OPCML: variants seen among roughly 807,000 people sequenced by gnomAD.
OPCML encodes opioid binding protein/cell adhesion molecule like, also known as opioid-binding protein/cell adhesion molecule.
OPCML carries 13 observed loss-of-function variants against 37.8 expected under a neutral mutation model. That is an observed-to-expected ratio of 0.34 (90% CI 0.22 to 0.55). OPCML has a LOEUF of 0.55. Among genes scored for constraint, OPCML ranks in the 20% least tolerant of loss-of-function variants. The pLI is 0.91. For missense variants in OPCML, 341 were observed against 435.6 expected, an observed-to-expected ratio of 0.78 and a Z score of 1.93; for synonymous variants, 176 against 168.8, an observed-to-expected ratio of 1.04 and a Z score of -0.33.
chr11:133,455,581 T>C (rs1946657688), intron 1 of OPCML, among the ~76,000 whole-genome samples: 1 of 152,152 alleles, frequency 6.6e-6, no homozygotes, highest in Admixed American at 6.5e-5. Flanking sequence ...TCCTTCTTAT[T>C]ACCCTCAGGA....
At chr11:133,151,831 T>G (rs1469883173) in intron 1 of OPCML, among the ~76,000 whole-genome samples, 1 of 152,088 alleles carries the variant, frequency 6.6e-6, no homozygotes, top group Non-Finnish European at 1.5e-5. Context: ...AAATCTCAAC[T>G]GAGATCCCCA....
chr11:133,272,779 G>T (rs1941887028), intron 1 of OPCML, among the ~76,000 whole-genome samples: 1 of 152,194 alleles, frequency 6.6e-6, no homozygotes, highest in Non-Finnish European at 1.5e-5. Flanking sequence ...TGCATTTCTT[G>T]TTAAGGAACA....
chr11:133,100,102 A>G (rs1255634416), intron 1 of OPCML, among the ~76,000 whole-genome samples: 1 of 152,228 alleles, frequency 6.6e-6, no homozygotes, highest in Non-Finnish European at 1.5e-5. Context: ...TCTCACTTAT[A>G]AGTGGGAACT....
chr11:132,547,969 G>A (rs1205858158), intron 3 of OPCML, among the ~76,000 whole-genome samples: 1 of 152,194 alleles, frequency 6.6e-6, no homozygotes, highest in East Asian at 1.9e-4. Flanking sequence ...CTTAGACCTG[G>A]TGCCTACTGT....
At chr11:133,333,171 G>T (rs1169070490) in intron 1 of OPCML, among the ~76,000 whole-genome samples, 1 of 152,102 alleles carries the variant, frequency 6.6e-6, no homozygotes, top group Non-Finnish European at 1.5e-5. Flanking sequence ...CGACTCTTCT[G>T]CCTCAGCCTC....
At position 133,510,260 on chromosome 11, in the gene OPCML, A is replaced by G. The variant is rs113182289; in HGVS notation, c.61+22004T>C. 7.3e-3 allele frequency among the ~76,000 whole-genome samples: 1,110 copies of G among 152,256 alleles called. 13 individuals are homozygous for G. Among genetic ancestry groups the G allele is most frequent in the African/African-American group, 0.024 (1,004 of 41,532 alleles). On this transcript the variant is annotated intron_variant, in intron 1 of 7. Coordinates refer to ENST00000524381, the MANE Select transcript of OPCML (RefSeq NM_001012393.5). ...GCTGCTATCAGATTTTCAGAATACC[A>G]TTTCTTTTGTATGCTACAGAGTAAA...
At chr11:132,426,819 A>T (rs2095979171) in intron 7 of OPCML, among the ~76,000 whole-genome samples, 1 of 152,236 alleles carries the variant, frequency 6.6e-6, no homozygotes, top group Non-Finnish European at 1.5e-5. Context: ...GGGAATTTCA[A>T]GCCTGGCCAT....
At chr11:132,979,377 A>G (rs898738436) in intron 1 of OPCML, among the ~76,000 whole-genome samples, 4 of 152,074 alleles carry the variant, frequency 2.6e-5, no homozygotes, top group African/African-American at 9.7e-5. Flanking sequence ...CTCTCCCACA[A>G]GTCCATTCTA....
chr11:133,340,608 C>G (rs539386133), intron 1 of OPCML, among the ~76,000 whole-genome samples: 2,426 of 139,434 alleles, frequency 0.017, 24 homozygotes, highest in African/African-American at 0.037. Context: ...AAGACTCTCT[C>G]TGTGTGTGTG....
intron 1 of OPCML, among the ~76,000 whole-genome samples, chr11:133,050,085 G>A (rs1027511937): frequency 6.6e-6 from 1 of 152,154 alleles, no homozygotes; most frequent in Admixed American, 6.5e-5. Flanking sequence ...CCTTCCCTGA[G>A]GGAGAGATTC....
At chr11:133,363,435 G>A (rs1565593991) in intron 1 of OPCML, among the ~76,000 whole-genome samples, 1 of 152,212 alleles carries the variant, frequency 6.6e-6, no homozygotes, top group Non-Finnish European at 1.5e-5. Flanking sequence ...TTCTCCTTAT[G>A]TGAGAAAATG....
intron 1 of OPCML, among the ~76,000 whole-genome samples, chr11:132,983,609 A>G (rs1295407713): frequency 1.3e-5 from 2 of 152,128 alleles, no homozygotes; most frequent in Non-Finnish European, 2.9e-5. Context: ...TTTTTCTATC[A>G]CTTCATCCCC....
chr11:133,123,306 A>G (rs1217190527), intron 1 of OPCML, among the ~76,000 whole-genome samples: 1 of 152,206 alleles, frequency 6.6e-6, no homozygotes, highest in Non-Finnish European at 1.5e-5. Flanking sequence ...TGAAAAGATC[A>G]TGAATATTAA....
intron 2 of OPCML, among the ~76,000 whole-genome samples, chr11:132,794,866 A>T (rs542918970): frequency 2.0e-5 from 3 of 151,472 alleles, no homozygotes; most frequent in Admixed American, 2.0e-4. Flanking sequence ...AATTTGACCT[A>T]TCAACCTAAC....
intron 2 of OPCML, among the ~76,000 whole-genome samples, chr11:132,857,688 T>C (rs1422813275): frequency 6.6e-6 from 1 of 152,236 alleles, no homozygotes; most frequent in East Asian, 1.9e-4. Context: ...TTCTTCTCAT[T>C]AATGTTTTGT....
chr11:133,498,949 A>G (rs1049207564), intron 1 of OPCML, among the ~76,000 whole-genome samples: 1 of 152,200 alleles, frequency 6.6e-6, no homozygotes, highest in East Asian at 1.9e-4. Flanking sequence ...TAAGATTGTT[A>G]CCACTGTACA....
At chr11:133,335,297 G>T (rs889886975) in intron 1 of OPCML, among the ~76,000 whole-genome samples, 30 of 152,340 alleles carry the variant, frequency 2.0e-4, no homozygotes, top group Admixed American at 1.6e-3. Context: ...CAGAATGGCA[G>T]AATGGTCCAG....
chr11:133,239,038 T>G (rs1195960020), intron 1 of OPCML, among the ~76,000 whole-genome samples: 1 of 151,786 alleles, frequency 6.6e-6, no homozygotes, highest in African/African-American at 2.4e-5. Flanking sequence ...AAATGGGGAG[T>G]GAAGCTCTCC....
chr11:132,632,469 A>AT (rs1444438273), intron 3 of OPCML, among the ~76,000 whole-genome samples: 1 of 152,066 alleles, frequency 6.6e-6, no homozygotes, highest in African/African-American at 2.4e-5. Flanking sequence ...AGATGAACTG[A>AT]TTTTTGTAAG....
Sources: gnomAD v4.1 joint callset for allele counts (sites outside exome capture counted in the v4.1 genomes callset) on GRCh38, gnomAD v4.1.1 for gene constraint, MANE v1.5 for transcripts, NCBI Gene and HGNC (gene_info 2026-07-23, HGNC 2026-07-21) for gene names.